The following CCDC83 variants were observed in gnomAD, a reference collection of about 807,000 sequenced individuals.
CCDC83 encodes coiled-coil domain containing 83, also known as coiled-coil domain-containing protein 83.
CCDC83 carries 54 observed loss-of-function variants against 50.1 expected under a neutral mutation model. The ratio of observed to expected loss-of-function variants is 1.08; its 90% CI spans 0.87 to 1.35. The LOEUF (loss-of-function observed/expected upper bound fraction) is 1.35. Ranked by LOEUF, CCDC83 falls within the 40% of genes most tolerant of loss-of-function variation. The probability of loss-of-function intolerance (pLI) is 0.00; values close to 1 mark genes in which losing one functional copy is unlikely to be tolerated. For missense variants in CCDC83, 518 were observed against 473.9 expected, an observed-to-expected ratio of 1.09 and a Z score of -0.86; for synonymous variants, 161 against 153.3, an observed-to-expected ratio of 1.05 and a Z score of -0.37.
At position 85,864,151 on chromosome 11, in the gene CCDC83, T is replaced by C. The variant is rs117570818; in HGVS notation, c.-28-945T>C. ...GTGTTTATCTGACAAGCATTTATTG[T>C]GTGTCTATTGTGCTTAGTGAGGAAA... On this transcript the variant is annotated intron_variant, in intron 1 of 10. Coordinates refer to ENST00000342404, the MANE Select transcript of CCDC83 (RefSeq NM_001286159.2). Among the ~76,000 whole-genome samples, 838 of 152,348 alleles carry C rather than the reference T, an allele frequency of 5.5e-3. 5 individuals are homozygous for C. The highest frequency in any genetic ancestry group is 0.029 in the South Asian group (138 of 4,824).
rs570778043 is a variant in CCDC83, at chr11:85,855,505, A to T, written c.-108A>T. 4 of 152,364 alleles carry T rather than the reference A, an allele frequency of 2.6e-5. No homozygotes were observed. In the South Asian group the frequency reaches 8.3e-4, roughly 32 times the overall value. 9.4% of individuals were successfully genotyped at this position (152,364 alleles called of 1,614,324 possible). On this transcript the variant is annotated 5_prime_UTR_variant, in exon 1 of 11. Coordinates refer to ENST00000342404, the MANE Select transcript of CCDC83 (RefSeq NM_001286159.2). ...GCCTTTTTAATCTGATCAGAATGTT[A>T]ACCCATCTCTCCGCCTTGCGGTAGA...
chr11:85,917,349 G>A (rs968372241), intron 10 of CCDC83, among the ~76,000 whole-genome samples: 1 of 152,112 alleles, frequency 6.6e-6, no homozygotes, highest in Non-Finnish European at 1.5e-5. Flanking sequence ...ATCATACATT[G>A]TCACTTCCAT....
intron 1 of CCDC83, among the ~76,000 whole-genome samples, chr11:85,864,620 A>T (rs1439065469): frequency 2.0e-5 from 3 of 152,156 alleles, no homozygotes; most frequent in Non-Finnish European, 4.4e-5. Flanking sequence ...CCCTGCCCAA[A>T]CCTAATTTTT....
chr11:85,915,630 T>C, intron 9 of CCDC83, 132 bp downstream of exon 9: 1 of 622,782 alleles, frequency 1.6e-6, no homozygotes, highest in Non-Finnish European at 2.8e-6. Context: ...TGCCAGCTTC[T>C]CTAAATTTCT....
At position 85,912,546 on chromosome 11, in the gene CCDC83, TC is replaced by T. The variant is rs1283637555; in HGVS notation, c.794+1146del. On this transcript the variant is annotated intron_variant, in intron 8 of 10. Coordinates refer to ENST00000342404, the MANE Select transcript of CCDC83 (RefSeq NM_001286159.2). ...GGATTGATTACTGAACTCCTGTACT[TC>T]CAGTCTCTTGAGCTGATGCCCTAGA... is the stretch of plus-strand genomic sequence containing the variant. 4.1e-6 allele frequency: 3 copies of T among 731,152 alleles called. No individual in the cohort carries two copies. In the African/African-American group the frequency reaches 5.2e-5, roughly 13 times the overall value. The allele number at this position is 731,152 out of a possible 1,614,324, so 45.3% of individuals were successfully genotyped here. A position where few individuals can be genotyped will look rare whatever the true frequency, so the allele number is the denominator to read the frequency against.
intron 7 of CCDC83, among the ~76,000 whole-genome samples, chr11:85,906,655 G>A (rs1355854293): frequency 6.6e-6 from 1 of 152,186 alleles, no homozygotes; most frequent in African/African-American, 2.4e-5. Flanking sequence ...AAGGCAGGAG[G>A]ATTGCTTGAG....
At chr11:85,873,990 A>G (rs1188726568) in intron 3 of CCDC83, among the ~76,000 whole-genome samples, 1 of 152,166 alleles carries the variant, frequency 6.6e-6, no homozygotes, top group Admixed American at 6.5e-5. Flanking sequence ...AAAAGAATAT[A>G]TCTACAAATT....
At chr11:85,862,220 A>AT (rs1200639214) in intron 1 of CCDC83, among the ~76,000 whole-genome samples, 2 of 152,216 alleles carry the variant, frequency 1.3e-5, no homozygotes, top group Admixed American at 1.3e-4. Flanking sequence ...TTTGGGAAAT[A>AT]TTTATTGCAA....
intron 4 of CCDC83, among the ~76,000 whole-genome samples, chr11:85,884,538 CA>C (rs1163919953): frequency 6.6e-6 from 1 of 152,168 alleles, no homozygotes; most frequent in Non-Finnish European, 1.5e-5. Flanking sequence ...AAATCCAAGT[CA>C]AACTAGCCTA....
intron 2 of CCDC83, among the ~76,000 whole-genome samples, chr11:85,867,270 G>A (rs540688655): frequency 3.9e-5 from 6 of 152,178 alleles, no homozygotes; most frequent in African/African-American, 9.6e-5. Flanking sequence ...GGCCTCAAGC[G>A]ATCCTCCTGC....
intron 10 of CCDC83, among the ~76,000 whole-genome samples, chr11:85,917,263 G>A (rs2093486394): frequency 7.5e-6 from 1 of 134,100 alleles, no homozygotes; most frequent in Admixed American, 7.9e-5. Context: ...GGAAAGGAAG[G>A]AAGGAAGGAA....
intron 5 of CCDC83, among the ~76,000 whole-genome samples, chr11:85,887,819 T>TC (rs397945544): frequency 1.2e-4 from 18 of 150,052 alleles, no homozygotes; most frequent in Admixed American, 6.0e-4. Flanking sequence ...TTTTTTTTTT[T>TC]CGAGACACGG....
chr11:85,916,490 C>T (rs1220373847), intron 10 of CCDC83: 7 of 399,708 alleles, frequency 1.8e-5, no homozygotes, highest in Non-Finnish European at 3.2e-5. Flanking sequence ...CATAACAATC[C>T]CCAAAACCTA....
At chr11:85,889,384 T>G (rs970507408) in intron 5 of CCDC83, among the ~76,000 whole-genome samples, 1 of 152,238 alleles carries the variant, frequency 6.6e-6, no homozygotes, top group Non-Finnish European at 1.5e-5. Flanking sequence ...GATGATTTCT[T>G]TGACTTAAAA....
chr11:85,908,020 T>C (rs963675686), intron 7 of CCDC83, among the ~76,000 whole-genome samples: 10 of 152,208 alleles, frequency 6.6e-5, no homozygotes, highest in Non-Finnish European at 1.5e-4. Context: ...AAGCTTGTAA[T>C]CAAAATAATT....
At chr11:85,872,402 T>C (rs1190304632) in intron 2 of CCDC83, among the ~76,000 whole-genome samples, 1 of 152,044 alleles carries the variant, frequency 6.6e-6, no homozygotes, top group African/African-American at 2.4e-5. Context: ...GGACAATCGC[T>C]TGAACCCAGG....
intron 7 of CCDC83, among the ~76,000 whole-genome samples, chr11:85,899,774 T>C (rs1473157363): frequency 1.3e-5 from 2 of 152,220 alleles, no homozygotes; most frequent in Non-Finnish European, 2.9e-5. Context: ...AATGACTGAA[T>C]GTCAATGAAT....
chr11:85,856,718 T>A (rs1268998268), intron 1 of CCDC83, among the ~76,000 whole-genome samples: 2 of 152,234 alleles, frequency 1.3e-5, no homozygotes, highest in Non-Finnish European at 2.9e-5. Flanking sequence ...TATTTTTAAA[T>A]ACCTTGATTT....
intron 10 of CCDC83, among the ~76,000 whole-genome samples, chr11:85,917,209 GGAAAGAAA>G (rs150122733): frequency 1.2e-4 from 11 of 94,848 alleles, no homozygotes; most frequent in Admixed American, 2.4e-4. Context: ...AAAGAAAGAA[GGAAAGAAA>G]GAAAGAAAGA....
Sources: allele counts gnomAD v4.1 joint callset (sites outside exome capture counted in the v4.1 genomes callset), GRCh38; gene constraint gnomAD v4.1.1; transcripts MANE v1.5; gene names NCBI Gene and HGNC (gene_info 2026-07-23, HGNC 2026-07-21).